The following MYH10 variants were observed in gnomAD, a reference collection of about 807,000 sequenced individuals.
The protein encoded by MYH10 is myosin heavy chain 10, also known as myosin-10.
MYH10 carries 55 observed loss-of-function variants against 257.8 expected under a neutral mutation model. The observed-to-expected ratio is 0.21, with a 90% CI of 0.17 to 0.27. The LOEUF (loss-of-function observed/expected upper bound fraction) is 0.27, where lower values mean the gene tolerates loss of function less well. MYH10 is among the 10% of genes least tolerant of loss of function. The pLI, the probability that MYH10 is intolerant of heterozygous loss-of-function variation, is 1.00. For synonymous variants in MYH10, 854 were observed against 921.7 expected (o/e 0.93, Z 1.33); for missense variants, 1,631 against 2,500.6 (o/e 0.65, Z 7.42).
intron 4 of MYH10, among the ~76,000 whole-genome samples, chr17:8,578,396 C>A (rs268454): frequency 0.97 from 146,877 of 152,020 alleles, 71,155 homozygotes; most frequent in East Asian, 1. Context: ...GCACACGCCA[C>A]CACGCCTGGC....
intron 38 of MYH10, 47 bp downstream of exon 38, chr17:8,481,275 C>A: frequency 1.9e-6 from 3 of 1,572,092 alleles, no homozygotes; most frequent in South Asian, 1.1e-5. Flanking sequence ...CTCAGCAGTG[C>A]GCGTGCCTGA....
intron 8 of MYH10, among the ~76,000 whole-genome samples, chr17:8,553,443 T>G (rs11871448): frequency 1.3e-5 from 2 of 152,228 alleles, no homozygotes; most frequent in African/African-American, 2.4e-5. Flanking sequence ...TTTACCTGGG[T>G]ATATATGTGC....
intron 6 of MYH10, among the ~76,000 whole-genome samples, chr17:8,570,676 C>T (rs1437856978): frequency 6.6e-6 from 1 of 151,870 alleles, no homozygotes; most frequent in Non-Finnish European, 1.5e-5. Context: ...GTATTTTAGA[C>T]CTAAAGAAAA....
At chr17:8,485,039 C>G (rs1428304400) in intron 36 of MYH10, among the ~76,000 whole-genome samples, 1 of 152,096 alleles carries the variant, frequency 6.6e-6, no homozygotes, top group East Asian at 1.9e-4. Flanking sequence ...TGCAGATGAT[C>G]TGATATTGTA....
chr17:8,626,437 C>T (rs932193469), intron 1 of MYH10, among the ~76,000 whole-genome samples: 55 of 151,956 alleles, frequency 3.6e-4, no homozygotes, highest in African/African-American at 1.3e-3. Flanking sequence ...CTTGGTGTCA[C>T]AGGCCTGCAG....
At chr17:8,603,912 A>C (rs2084701586) in intron 3 of MYH10, among the ~76,000 whole-genome samples, 1 of 152,300 alleles carries the variant, frequency 6.6e-6, no homozygotes, top group African/African-American at 2.4e-5. Flanking sequence ...GCCCTGGAAG[A>C]TCTGGTATAT....
chr17:8,508,441 C>G (rs2081146625), intron 26 of MYH10, 113 bp downstream of exon 26: 3 of 1,440,584 alleles, frequency 2.1e-6, no homozygotes, highest in Non-Finnish European at 2.8e-6. Context: ...AACTGAAGGT[C>G]CTTATTATTA....
rs190224017 is a variant in MYH10, at chr17:8,604,287, C to T, written c.502+539G>A. Among the ~76,000 whole-genome samples, 386 of 152,206 alleles carry T rather than the reference C, an allele frequency of 2.5e-3. 5 individuals carry two copies. In the Middle Eastern group the frequency reaches 0.037, roughly 15 times the overall value. ...CTACATTCCGGTCTTTTAAAAATGT[C>T]CCTCCATAAATCACTGTGTCTAAAG... is the stretch of plus-strand genomic sequence containing the variant. On this transcript the variant is annotated intron_variant, in intron 3 of 42. Transcript: ENST00000360416.
At chr17:8,523,124 A>C (rs1323554715) in intron 17 of MYH10, among the ~76,000 whole-genome samples, 1 of 152,138 alleles carries the variant, frequency 6.6e-6, no homozygotes, top group Non-Finnish European at 1.5e-5. Flanking sequence ...CATATTCCCA[A>C]CCCAGGTGAT....
At chr17:8,565,006 GA>G (rs1390916150) in intron 7 of MYH10, among the ~76,000 whole-genome samples, 1 of 152,154 alleles carries the variant, frequency 6.6e-6, no homozygotes, top group African/African-American at 2.4e-5. Context: ...TGGGCCATGA[GA>G]AAAAGGCTGA....
rs898374805 is a variant in MYH10, at chr17:8,477,959, G to T, written c.5706+379C>A. ...TTGTCTTCCCTTCACTTTCTATTCA[G>T]TATCTCCTGTGCCCACCCTACACCC... On this transcript the variant is annotated intron_variant, in intron 41 of 42. Transcript: ENST00000360416. This position sits in a 1 kb window ranked among gnomAD's most constrained non-coding sequence, Gnocchi z 4.2. Among the ~76,000 whole-genome samples the T allele has an allele frequency of 3.9e-5, 6 of 152,164 alleles. No homozygotes were observed. The highest frequency in any genetic ancestry group is 8.8e-5 in the Non-Finnish European group (6 of 68,038).
intron 28 of MYH10, among the ~76,000 whole-genome samples, chr17:8,501,181 C>T (rs552791640): frequency 3.9e-5 from 6 of 152,204 alleles, no homozygotes; most frequent in East Asian, 1.9e-4. Context: ...CCTATAACCC[C>T]GGCAATTTGG....
At chr17:8,529,145 G>A (rs1024923578) in intron 17 of MYH10, among the ~76,000 whole-genome samples, 2 of 152,228 alleles carry the variant, frequency 1.3e-5, no homozygotes, top group African/African-American at 4.8e-5. Context: ...CCACAGGAAA[G>A]AGTGTCCGTG....
chr17:8,620,333 T>C (rs771618968), intron 2 of MYH10, among the ~76,000 whole-genome samples: 5 of 152,174 alleles, frequency 3.3e-5, no homozygotes, highest in African/African-American at 7.2e-5. Context: ...GGAATCATCA[T>C]AGAAATTAGA....
chr17:8,499,243 T>C, intron 30 of MYH10, 27 bp downstream of exon 30: 1 of 1,603,544 alleles, frequency 6.2e-7, no homozygotes, highest in South Asian at 1.1e-5. Context: ...CAGTGGGACG[T>C]GTGTAGAGCG....
chr17:8,521,447 G>C (rs2081653495), intron 17 of MYH10, 162 bp from the exon 18 acceptor site: 1 of 669,592 alleles, frequency 1.5e-6, no homozygotes, highest in South Asian at 1.9e-5. Flanking sequence ...GCACAAGCCG[G>C]GAACTAACAG....
chr17:8,584,081 C>T (rs553444329), intron 4 of MYH10, among the ~76,000 whole-genome samples: 1 of 152,192 alleles, frequency 6.6e-6, no homozygotes, highest in Admixed American at 6.5e-5. Context: ...TGTGAAAGAC[C>T]ACTCTCTCCT....
Position 8,475,651 on chromosome 17 carries a change from G to A in MYH10, c.*153C>T, listed in dbSNP as rs981015152. The A allele has an allele frequency of 3.3e-5, 27 of 819,510 alleles. No homozygotes were observed. Among genetic ancestry groups the A allele is most frequent in the Middle Eastern group, 3.6e-4 (1 of 2,782 alleles). The allele number at this position is 819,510 out of a possible 1,614,324, so 50.8% of individuals were successfully genotyped here. Reference sequence around the variant, plus strand: ...GGGAGCAATTGTACCTAAGTCTGAAGCAGGATACAGTATGCATAGGCTGGA... The same window carrying A: ...GGGAGCAATTGTACCTAAGTCTGAAACAGGATACAGTATGCATAGGCTGGA... On this transcript the variant is annotated 3_prime_UTR_variant, in exon 43 of 43. Transcript: ENST00000360416.
intron 36 of MYH10, 48 bp downstream of exon 36, chr17:8,487,385 A>G (rs764180844): frequency 2.3e-5 from 37 of 1,609,138 alleles, no homozygotes; most frequent in South Asian, 6.6e-5. Flanking sequence ...TAAAAGCCAC[A>G]TAGGTCACGT....
Sources: allele counts gnomAD v4.1 joint callset (sites outside exome capture counted in the v4.1 genomes callset), GRCh38; gene constraint gnomAD v4.1.1; non-coding constraint Gnocchi (gnomAD v3.1); transcripts MANE v1.5; gene names NCBI Gene and HGNC (gene_info 2026-07-23, HGNC 2026-07-21).